Variants in TENM1 observed in about 807,000 individuals in gnomAD.
TENM1 encodes the protein teneurin transmembrane protein 1.
Under a neutral mutation model 174.8 loss-of-function variants are expected in TENM1, and 35 were observed. The ratio of observed to expected loss-of-function variants is 0.20; its 90% CI spans 0.15 to 0.27. The LOEUF is 0.27. TENM1 is among the 10% of genes least tolerant of loss of function. The pLI is 1.00. For synonymous variants in TENM1, 781 were observed against 798.7 expected (o/e 0.98, Z 0.37); for missense variants, 1,633 against 2,130.1 (o/e 0.77, Z 4.59).
At chrX:125,079,083 A>G in the TENM1 span, among the ~76,000 whole-genome samples, 1 of 112,060 alleles carries the variant, frequency 8.9e-6, no homozygotes, top group East Asian at 2.8e-4. Flanking sequence ...AATACCTCAC[A>G]ATACTGCCTC....
rs763773993 is a variant in TENM1, at chrX:124,847,777, G to C, written c.535+46519C>G. ...TCCACAAATCACAATGGTTAGGATT[G>C]AGCCTTAAGATTCTGAGTAGGCTTT... is the stretch of plus-strand genomic sequence containing the variant. On this transcript the variant is annotated intron_variant, in intron 3 of 31. Transcript: ENST00000422452. 8.9e-5 allele frequency among the ~76,000 whole-genome samples: 10 copies of C among 111,758 alleles called. No individual in the cohort carries two copies. In the South Asian group the frequency reaches 3.0e-3, roughly 33 times the overall value.
intron 23 of TENM1, among the ~76,000 whole-genome samples, chrX:124,429,378 C>T (rs1466988689): frequency 1.8e-5 from 2 of 111,277 alleles, no homozygotes; most frequent in Non-Finnish European, 3.8e-5. Flanking sequence ...CAGATTTCTG[C>T]TCTTGATTAG....
At chrX:125,186,305 C>T in the TENM1 span, among the ~76,000 whole-genome samples, 1 of 111,499 alleles carries the variant, frequency 9.0e-6, no homozygotes, top group African/African-American at 3.3e-5. Context: ...ATTCATGTCC[C>T]CTCACTTTTG....
chrX:124,937,772 T>C (rs2058267869), intron 1 of TENM1, among the ~76,000 whole-genome samples: 1 of 111,968 alleles, frequency 8.9e-6, no homozygotes, highest in Admixed American at 9.4e-5. Context: ...ACATAAATAA[T>C]TTAAAGGGCT....
chrX:124,757,467 G>C (rs4436259), intron 3 of TENM1, among the ~76,000 whole-genome samples: 6 of 112,041 alleles, frequency 5.4e-5, no homozygotes, highest in Non-Finnish European at 9.4e-5. Flanking sequence ...ATGCCTCGCC[G>C]TGCTTCGGCT....
intron 28 of TENM1, among the ~76,000 whole-genome samples, chrX:124,386,724 AT>A (rs1174850698): frequency 9.1e-6 from 1 of 109,431 alleles, no homozygotes; most frequent in Non-Finnish European, 1.9e-5. Flanking sequence ...ATTTTATTTC[AT>A]TTTTTTAGAG....
At chrX:125,136,954 G>A in the TENM1 span, among the ~76,000 whole-genome samples, 6 of 110,998 alleles carry the variant, frequency 5.4e-5, no homozygotes, top group South Asian at 7.8e-4. Flanking sequence ...TGTAGACCAC[G>A]GTTCCCAAAG....
At chrX:125,080,215 G>A in the TENM1 span, among the ~76,000 whole-genome samples, 1 of 111,235 alleles carries the variant, frequency 9.0e-6, no homozygotes, top group Admixed American at 9.6e-5. Context: ...GTGAAAGGGT[G>A]AAATTAATAA....
At chrX:124,875,963 TTA>T (rs771315006) in intron 3 of TENM1, among the ~76,000 whole-genome samples, 8 of 105,422 alleles carry the variant, frequency 7.6e-5, no homozygotes, top group East Asian at 2.9e-4. Context: ...TTCTAAGAAA[TTA>T]TATATATATA....
At chrX:124,412,684 G>A (rs2060550368) in intron 25 of TENM1, among the ~76,000 whole-genome samples, 1 of 112,501 alleles carries the variant, frequency 8.9e-6, no homozygotes, top group Non-Finnish European at 1.9e-5. Context: ...TCAGTTCCAA[G>A]TCCATAATGT....
chrX:124,380,430 C>T, exon 32 of TENM1: 1 of 740,061 alleles, frequency 1.4e-6, no homozygotes, highest in Non-Finnish European at 1.9e-6. Context: ...TGTTTTTCCT[C>T]CATATTTACA....
chrX:124,761,186 T>C (rs967573671), intron 3 of TENM1, among the ~76,000 whole-genome samples: 1 of 111,079 alleles, frequency 9.0e-6, no homozygotes, highest in Non-Finnish European at 1.9e-5. Flanking sequence ...AGCCATCCCA[T>C]TACTGGGTAT....
At chrX:125,172,722 G>A in the TENM1 span, among the ~76,000 whole-genome samples, 350 of 110,604 alleles carry the variant, frequency 3.2e-3, no homozygotes, top group African/African-American at 0.011. Context: ...TGTGAGTTAC[G>A]TCATCATATG....
chrX:124,910,680 G>GT (rs1187896787), intron 1 of TENM1, among the ~76,000 whole-genome samples: 1 of 111,400 alleles, frequency 9.0e-6, no homozygotes, highest in Admixed American at 9.6e-5. Flanking sequence ...TGTTCCTTTT[G>GT]TCCATCCACT....
chrX:124,580,153 A>G (rs757890825), intron 11 of TENM1, among the ~76,000 whole-genome samples: 1 of 111,888 alleles, frequency 8.9e-6, no homozygotes, highest in South Asian at 3.7e-4. Flanking sequence ...GATTAACATT[A>G]AATCAAAGTA....
chrX:125,192,301 C>A, the TENM1 span, among the ~76,000 whole-genome samples: 1 of 112,045 alleles, frequency 8.9e-6, no homozygotes. Context: ...GGGGACATAG[C>A]AAGACATGAA....
chrX:125,021,501 T>C, the TENM1 span, among the ~76,000 whole-genome samples: 1 of 111,816 alleles, frequency 8.9e-6, no homozygotes, highest in African/African-American at 3.2e-5. Flanking sequence ...GTAACACTTT[T>C]GTACTTATAT....
intron 5 of TENM1, among the ~76,000 whole-genome samples, chrX:124,691,357 CAAAAAAGATCCTTAAA>C: frequency 9.0e-6 from 1 of 111,636 alleles, no homozygotes; most frequent in South Asian, 3.7e-4. Context: ...ACACAGGTAA[CAAAAAAGATCCTTAAA>C]AATATGAAAA....
intron 11 of TENM1, among the ~76,000 whole-genome samples, chrX:124,609,891 G>A (rs927102436): frequency 2.7e-5 from 3 of 111,764 alleles, no homozygotes; most frequent in Non-Finnish European, 5.7e-5. Flanking sequence ...CATAGGAGGT[G>A]GATACTAAAA....
Sources: allele counts gnomAD v4.1 joint callset (sites outside exome capture counted in the v4.1 genomes callset), GRCh38; gene constraint gnomAD v4.1.1; transcripts MANE v1.5; gene names NCBI Gene and HGNC (gene_info 2026-07-23, HGNC 2026-07-21).